Variants in TEX9 observed in about 807,000 individuals in gnomAD.
The protein encoded by TEX9 is testis expressed 9, also known as testis-expressed protein 9.
A neutral mutation model predicts 59.6 loss-of-function variants in TEX9; 74 were observed. The observed-to-expected ratio is 1.24, with a 90% CI of 1.03 to 1.51. The LOEUF is 1.51. TEX9 is among the 40% of genes most tolerant of loss of function. TEX9 has a pLI of 0.00. For missense variants in TEX9, 522 were observed against 447.8 expected, an observed-to-expected ratio of 1.17 and a Z score of -1.49; for synonymous variants, 186 against 152.2, an observed-to-expected ratio of 1.22 and a Z score of -1.64.
chr15:56,351,330 T>G (rs1465697397), intron 1 of TEX9, among the ~76,000 whole-genome samples: 1 of 152,216 alleles, frequency 6.6e-6, no homozygotes, highest in Non-Finnish European at 1.5e-5. Flanking sequence ...TAGGAAATCA[T>G]CACTGTTGAA....
At chr15:56,457,672 G>C in the TEX9 span, among the ~76,000 whole-genome samples, 74 of 152,162 alleles carry the variant, frequency 4.9e-4, no homozygotes, top group Admixed American at 3.8e-3. Flanking sequence ...AAATTAGCCA[G>C]GTGTGGTGGC....
intron 1 of TEX9, among the ~76,000 whole-genome samples, chr15:56,354,201 C>T (rs2046640872): frequency 6.6e-6 from 1 of 152,176 alleles, no homozygotes; most frequent in Non-Finnish European, 1.5e-5. Context: ...TACATTAATA[C>T]TCAGATGTCA....
At chr15:56,326,529 T>A (rs931939652) in intron 1 of TEX9, among the ~76,000 whole-genome samples, 3 of 152,182 alleles carry the variant, frequency 2.0e-5, no homozygotes, top group African/African-American at 4.8e-5. Flanking sequence ...CAGGTAACTA[T>A]CTTAGTTTGG....
At position 56,262,981 on chromosome 15, in the gene TEX9, C is replaced by G. The variant is rs76418617; in HGVS notation, c.-107+18703C>G. Among the ~76,000 whole-genome samples the G allele has an allele frequency of 2.5e-3, 388 of 152,250 alleles. 5 individuals are homozygous for G. The highest frequency in any genetic ancestry group is 9.0e-3 in the African/African-American group (374 of 41,540). On this transcript the variant is annotated intron_variant, in intron 1 of 5. Transcript: ENST00000560827. ...TACCATTCTTTTGCTTTCACTCAGT[C>G]TCTGTACTTACATTTAAAGAATAAC...
chr15:56,330,108 G>T (rs1057465287), intron 1 of TEX9, among the ~76,000 whole-genome samples: 9 of 151,842 alleles, frequency 5.9e-5, no homozygotes, highest in African/African-American at 2.2e-4. Flanking sequence ...TTATGGGCCA[G>T]GAGAGAGTGC....
intron 3 of TEX9, among the ~76,000 whole-genome samples, chr15:56,379,000 G>C (rs2047590719): frequency 6.7e-6 from 1 of 149,908 alleles, no homozygotes; most frequent in Non-Finnish European, 1.5e-5. Flanking sequence ...GAAGGTCTAG[G>C]CTGTAGTGAG....
chr15:56,446,938 T>C, downstream of TEX9: 2 of 1,605,540 alleles, frequency 1.2e-6, no homozygotes, highest in South Asian at 2.2e-5. Context: ...TTCTCTAAGC[T>C]CAATGCTGTT....
At chr15:56,444,342 T>A in intron 12 of TEX9, 1 of 904,666 alleles carries the variant, frequency 1.1e-6, no homozygotes, top group Admixed American at 3.0e-5. Flanking sequence ...GAGCACTTAC[T>A]ATGTATTAGG....
chr15:56,317,001 G>A (rs1195425625), intron 1 of TEX9, among the ~76,000 whole-genome samples: 1 of 152,222 alleles, frequency 6.6e-6, no homozygotes, highest in Non-Finnish European at 1.5e-5. Context: ...GCCTCGCCCT[G>A]CTTCTGCTCG....
chr15:56,373,316 G>A, intron 2 of TEX9, 125 bp from the exon 3 acceptor site: 1 of 785,808 alleles, frequency 1.3e-6, no homozygotes, highest in South Asian at 1.9e-5. Flanking sequence ...TCATTTTAGA[G>A]TAAGAATGCC....
chr15:56,391,667 T>C (rs922368639), intron 7 of TEX9, among the ~76,000 whole-genome samples: 1 of 152,112 alleles, frequency 6.6e-6, no homozygotes, highest in Non-Finnish European at 1.5e-5. Context: ...CCTACTTTTA[T>C]GTTTCATATT....
At chr15:56,380,425 GTCTT>G (rs148102538) in intron 3 of TEX9, among the ~76,000 whole-genome samples, 2,525 of 152,176 alleles carry the variant, frequency 0.017, 69 homozygotes, top group African/African-American at 0.057. Context: ...TCATCATTTA[GTCTT>G]TCTACTTTAG....
chr15:56,428,384 C>G (rs1197399868), exon 12 of TEX9: 1 of 1,611,586 alleles, frequency 6.2e-7, no homozygotes, highest in South Asian at 1.1e-5. Flanking sequence ...TTGAAGCTGC[C>G]AAGATGCTAT....
intron 1 of TEX9, among the ~76,000 whole-genome samples, chr15:56,348,930 T>C (rs2046523326): frequency 3.4e-4 from 2 of 5,884 alleles, no homozygotes; most frequent in Non-Finnish European, 9.4e-3. Flanking sequence ...TACCATTTTC[T>C]CTTTTTTTTC....
At chr15:56,412,171 A>AGT (rs1365487694) in intron 9 of TEX9, 131 bp from the exon 10 acceptor site, 3 of 726,606 alleles carry the variant, frequency 4.1e-6, no homozygotes, top group Admixed American at 3.5e-5. Context: ...TCTACCCCCA[A>AGT]GCGTGTGTGT....
At chr15:56,267,923 T>C (rs142867775) in intron 1 of TEX9, among the ~76,000 whole-genome samples, 6 of 152,322 alleles carry the variant, frequency 3.9e-5, no homozygotes, top group African/African-American at 1.4e-4. Context: ...TTAAACAGTA[T>C]GGCCATTTTC....
chr15:56,389,352 T>G (rs1356413011), exon 6 of TEX9: 2 of 1,611,300 alleles, frequency 1.2e-6, no homozygotes, highest in South Asian at 2.2e-5. Context: ...GTAAACAAGG[T>G]TCAAAACAAA....
chr15:56,286,312 C>A (rs1421959550), intron 1 of TEX9, among the ~76,000 whole-genome samples: 1 of 152,070 alleles, frequency 6.6e-6, no homozygotes, highest in Non-Finnish European at 1.5e-5. Flanking sequence ...CATGAAAGTA[C>A]AAAGATCTAC....
chr15:56,325,280 G>A (rs947027142), intron 1 of TEX9, among the ~76,000 whole-genome samples: 6 of 152,272 alleles, frequency 3.9e-5, no homozygotes, highest in African/African-American at 1.2e-4. Flanking sequence ...AGATAGTGGT[G>A]AAAGAAAGAA....
Sources: allele counts gnomAD v4.1 joint callset (sites outside exome capture counted in the v4.1 genomes callset), GRCh38; gene constraint gnomAD v4.1.1; transcripts MANE v1.5; gene names NCBI Gene and HGNC (gene_info 2026-07-23, HGNC 2026-07-21).